Variants in ZFP64 observed in about 807,000 individuals in gnomAD.
The protein encoded by ZFP64 is zinc finger protein 64.
ZFP64 carries 14 observed loss-of-function variants against 51.6 expected under a neutral mutation model. The observed-to-expected ratio is 0.27, with a 90% confidence interval of 0.18 to 0.42. ZFP64 has a LOEUF of 0.42. Ranked by LOEUF, ZFP64 falls within the 10% of genes least tolerant of loss-of-function variation. ZFP64 has a pLI of 1.00. For synonymous variants in ZFP64, 375 were observed against 361.4 expected, an observed-to-expected ratio of 1.04 and a Z score of -0.43; for missense variants, 754 against 906.8, an observed-to-expected ratio of 0.83 and a Z score of 2.16.
chr20:52,113,426 T>C (rs1035345937), intron 5 of ZFP64, among the ~76,000 whole-genome samples: 1 of 141,712 alleles, frequency 7.1e-6, no homozygotes, highest in Non-Finnish European at 1.5e-5. Context: ...GGAATTCTTT[T>C]TTTTTTTTTT....
At chr20:52,164,394 A>G (rs551183456) in intron 4 of ZFP64, among the ~76,000 whole-genome samples, 20 of 152,310 alleles carry the variant, frequency 1.3e-4, no homozygotes, top group Non-Finnish European at 2.4e-4. Context: ...CAAAATGAGA[A>G]TATGTGCGTT....
At position 52,168,435 on chromosome 20, in the gene ZFP64, A is replaced by G. The variant is rs150725282; in HGVS notation, c.287-2410T>C. 4.5e-3 allele frequency among the ~76,000 whole-genome samples: 678 copies of G among 152,306 alleles called. 10 individuals are homozygous for G. Among genetic ancestry groups the G allele is most frequent in the African/African-American group, 0.015 (642 of 41,556 alleles). ...CAAAGCATGGTCCCCAGACAGCAGC[A>G]TTGGAGCTGCCTGGGAACTTGTTAC... On this transcript the variant is annotated intron_variant, in intron 2 of 5. Coordinates refer to ENST00000216923, the MANE Select transcript of ZFP64 (RefSeq NM_018197.3).
In ZFP64 at chr20:52,152,022, G is replaced by A. The variant is rs188960226; in HGVS notation, c.*124C>T. The A allele has an allele frequency of 2.8e-5, 40 of 1,444,732 alleles. No individual in the cohort carries two copies. The African/African-American group carries it at 3.7e-4, about 13-fold the overall frequency. 89.5% of individuals were successfully genotyped at this position (1,444,732 alleles called of 1,614,324 possible). A position where few individuals can be genotyped will look rare whatever the true frequency, so the allele number is the denominator to read the frequency against. ...ACTGCACTCCAGCCTGGGAAACAGA[G>A]CGAGACTCCGTCTCAAAAACAAAAC... is the stretch of plus-strand genomic sequence containing the variant. On this transcript the variant is annotated 3_prime_UTR_variant, in exon 6 of 6. Coordinates refer to ENST00000216923, the MANE Select transcript of ZFP64 (RefSeq NM_018197.3).
At chr20:52,115,683 G>C (rs1978826190) in intron 5 of ZFP64, among the ~76,000 whole-genome samples, 1 of 152,050 alleles carries the variant, frequency 6.6e-6, no homozygotes, top group African/African-American at 2.4e-5. Flanking sequence ...CCAAAGTGCT[G>C]GGATTACAGG....
chr20:52,107,733 G>A (rs1294303121), intron 5 of ZFP64, among the ~76,000 whole-genome samples: 1 of 152,198 alleles, frequency 6.6e-6, no homozygotes, highest in East Asian at 1.9e-4. Flanking sequence ...ATTCCACTGT[G>A]TGAAAATGCC....
chr20:52,176,320 A>C (rs1209320813), intron 2 of ZFP64, among the ~76,000 whole-genome samples: 1 of 152,086 alleles, frequency 6.6e-6, no homozygotes, highest in Admixed American at 6.6e-5. Flanking sequence ...AACAAAGAAG[A>C]CATAAACTTT....
intron 5 of ZFP64, chr20:52,110,829 GT>G: frequency 1.2e-6 from 2 of 1,600,672 alleles, no homozygotes; most frequent in Non-Finnish European, 1.7e-6. Context: ...TCAGCTCCAT[GT>G]TCAGCTTGTC....
At chr20:52,086,605 G>A (rs2078867450) in intron 8 of ZFP64, among the ~76,000 whole-genome samples, 1 of 151,728 alleles carries the variant, frequency 6.6e-6, no homozygotes, top group Non-Finnish European at 1.5e-5. Flanking sequence ...AGCCTCCCGA[G>A]TAGCTGGGAC....
chr20:52,181,569 T>G (rs1241957318), intron 2 of ZFP64, among the ~76,000 whole-genome samples: 1 of 152,166 alleles, frequency 6.6e-6, no homozygotes, highest in Non-Finnish European at 1.5e-5. Context: ...GAGAAACGGT[T>G]TGGCTTAAGC....
At chr20:52,127,063 T>C (rs969075637) in intron 5 of ZFP64, among the ~76,000 whole-genome samples, 5 of 152,052 alleles carry the variant, frequency 3.3e-5, no homozygotes, top group Non-Finnish European at 7.4e-5. Flanking sequence ...GCAATTCTCC[T>C]GCCTCAGCCT....
chr20:52,172,887 C>T (rs1982870537), intron 2 of ZFP64, among the ~76,000 whole-genome samples: 1 of 152,228 alleles, frequency 6.6e-6, no homozygotes, highest in Non-Finnish European at 1.5e-5. Flanking sequence ...GATTTCCCTT[C>T]TTTCCTGCAT....
intron 5 of ZFP64, among the ~76,000 whole-genome samples, chr20:52,106,101 G>T (rs1474986881): frequency 2.6e-5 from 4 of 152,186 alleles, no homozygotes; most frequent in Non-Finnish European, 5.9e-5. Flanking sequence ...CGTGACTCGG[G>T]CGCACCGGCT....
In ZFP64 at chr20:52,104,327, G is replaced by A. The variant is rs186845380; in HGVS notation, c.764-5740C>T. Among the ~76,000 whole-genome samples, 965 of 152,356 alleles carry A rather than the reference G, an allele frequency of 6.3e-3. 9 individuals carry two copies. Among genetic ancestry groups the A allele is most frequent in the African/African-American group, 0.022 (927 of 41,586 alleles). ...TCCCGCAGGCTCTTCTGAAGCGGAG[G>A]ATCCCGGGACGAGAAATGCTGCCCG... On this transcript the variant is annotated intron_variant, in intron 5 of 8. Transcript: ENST00000361387.
intron 2 of ZFP64, among the ~76,000 whole-genome samples, chr20:52,177,614 C>T (rs550714980): frequency 4.6e-5 from 7 of 152,304 alleles, no homozygotes; most frequent in African/African-American, 1.4e-4. Flanking sequence ...AGCCCACCAC[C>T]GAGAACAGGA....
intron 5 of ZFP64, among the ~76,000 whole-genome samples, chr20:52,135,619 C>A (rs967505848): frequency 2.0e-5 from 3 of 151,970 alleles, no homozygotes; most frequent in Admixed American, 6.6e-5. Context: ...CCCAAGAAGC[C>A]AGTACTACAG....
downstream of ZFP64, among the ~76,000 whole-genome samples, chr20:52,150,331 C>T (rs1258647893): frequency 3.3e-5 from 5 of 151,496 alleles, no homozygotes; most frequent in Non-Finnish European, 7.4e-5. Flanking sequence ...TTCATATTTT[C>T]TATCTTGAAT....
chr20:52,142,377 G>GACACACACACACACACAC (rs142317072), intron 5 of ZFP64, among the ~76,000 whole-genome samples: 59 of 118,468 alleles, frequency 5.0e-4, no homozygotes, highest in African/African-American at 1.4e-3. Flanking sequence ...CACACACACA[G>GACACACACACACACACAC]ACACACACAC....
At chr20:52,084,271 C>T (rs2078840410) in exon 9 of ZFP64, 1 of 427,444 alleles carries the variant, frequency 2.3e-6, no homozygotes, top group African/African-American at 2.0e-5. Flanking sequence ...GAAGCTATCC[C>T]CATTGGATAG....
chr20:52,109,152 G>A (rs368860728), intron 5 of ZFP64, among the ~76,000 whole-genome samples: 1 of 151,290 alleles, frequency 6.6e-6, no homozygotes, highest in African/African-American at 2.4e-5. Flanking sequence ...TTTTTTAGAA[G>A]ATTTTTTTTT....
Sources: allele counts gnomAD v4.1 joint callset (sites outside exome capture counted in the v4.1 genomes callset), GRCh38; gene constraint gnomAD v4.1.1; transcripts MANE v1.5; gene names NCBI Gene and HGNC (gene_info 2026-07-23, HGNC 2026-07-21).